The following CYP2C18 variants were observed in gnomAD, a reference collection of about 807,000 sequenced individuals.
The protein encoded by CYP2C18 is cytochrome P450 2C18.
Under a neutral mutation model 41.3 loss-of-function variants are expected in CYP2C18, and 38 were observed. The observed-to-expected ratio is 0.92, with a 90% CI of 0.71 to 1.21. The LOEUF (loss-of-function observed/expected upper bound fraction) is 1.21, where lower values mean the gene tolerates loss of function less well. Among genes scored for constraint, CYP2C18 ranks in the 50% most tolerant of loss-of-function variants. CYP2C18 has a pLI of 0.00. For missense variants in CYP2C18, 635 were observed against 591.4 expected, an observed-to-expected ratio of 1.07 and a Z score of -0.77; for synonymous variants, 236 against 210.0, an observed-to-expected ratio of 1.12 and a Z score of -1.07.
intron 3 of CYP2C18, among the ~76,000 whole-genome samples, chr10:94,688,813 T>C (rs536828030): frequency 3.9e-5 from 6 of 152,348 alleles, no homozygotes; most frequent in Admixed American, 2.0e-4. Context: ...GCAATGTTTT[T>C]CCCAAAGTGT....
chr10:94,691,783 G>T (rs1847005120), intron 3 of CYP2C18, among the ~76,000 whole-genome samples: 1 of 152,098 alleles, frequency 6.6e-6, no homozygotes, highest in Admixed American at 6.6e-5. Flanking sequence ...ATACTACAAG[G>T]CTACAGTAAC....
At position 94,688,155 on chromosome 10, in the gene CYP2C18, A is replaced by G. The variant is rs1309997029; in HGVS notation, c.362A>G (p.Lys121Arg). The G allele has an allele frequency of 6.2e-7, 1 of 1,613,718 alleles. No homozygotes were observed. The highest frequency in any genetic ancestry group is 1.1e-5 in the South Asian group (1 of 91,062). Residue 121 changes from lysine to arginine, a missense_variant, in exon 3 of 9, where the codon AAG (lysine) becomes AGG (arginine). By Grantham distance (26) the Lys-to-Arg change is conservative (BLOSUM62 2). Coordinates refer to ENST00000285979, the MANE Select transcript of CYP2C18 (RefSeq NM_000772.3). ...GILFSNGKRW[K>R]EIRRFCLMTL... ...CTTTTCAGCAATGGAAAGAGATGGAAGGAGATCCGGCGTTTCTGCCTCATG... is the reference window on the plus strand; with the variant it reads ...CTTTTCAGCAATGGAAAGAGATGGAGGGAGATCCGGCGTTTCTGCCTCATG...
intron 7 of CYP2C18, among the ~76,000 whole-genome samples, chr10:94,726,884 C>A (rs898176065): frequency 6.6e-6 from 1 of 151,954 alleles, no homozygotes; most frequent in East Asian, 1.9e-4. Context: ...GAAAATTTAA[C>A]TTTGAGAGGA....
chr10:94,729,843 A>G (rs978264839), intron 7 of CYP2C18, among the ~76,000 whole-genome samples: 1 of 152,156 alleles, frequency 6.6e-6, no homozygotes, highest in African/African-American at 2.4e-5. Context: ...AGGCTTATTT[A>G]TCAACAAAGA....
chr10:94,718,022 A>G lies in CYP2C18; in HGVS notation c.820-2374A>G, dbSNP rs182301304. On this transcript the variant is annotated intron_variant, in intron 5 of 8. Transcript: ENST00000285979. Reference sequence around the variant, plus strand: ...CATTGGAATTTTGATAGGGATTTCAATGAAACCATAAATTTCTTTAGATAG... The same window carrying G: ...CATTGGAATTTTGATAGGGATTTCAGTGAAACCATAAATTTCTTTAGATAG... Among the ~76,000 whole-genome samples the G allele has an allele frequency of 2.8e-3, 420 of 152,150 alleles. 2 individuals carry two copies. Among genetic ancestry groups the G allele is most frequent in the African/African-American group, 9.1e-3 (377 of 41,548 alleles).
Position 94,683,914 on chromosome 10 carries a change from G to A in CYP2C18, c.95G>A (p.Gly32Asp). ...QSSGRGRLPS[G>D]PTPLPIIGNI... ...TCTGGAAGAGGGAGGCTCCCGTCTG[G>A]CCCCACTCCTCTCCCGATTATTGGA... Residue 32 changes from glycine (G) to aspartate (D), a missense_variant, in exon 1 of 9, where the codon GGC becomes GAC. Coordinates refer to ENST00000285979, the MANE Select transcript of CYP2C18 (RefSeq NM_000772.3). 6.2e-7 allele frequency: 1 copy of A among 1,610,986 alleles called. No homozygotes were observed.
rs1440882159 is a variant in CYP2C18 at position 94,713,831 on chromosome 10, C to T, written c.820-6565C>T. ...AAAAGTGTTCCTATTTCTCCACATC[C>T]TCTCCAGCACCTGTTTCCTGACTTT... On this transcript the variant is annotated intron_variant, in intron 5 of 8. Coordinates refer to ENST00000285979, the MANE Select transcript of CYP2C18 (RefSeq NM_000772.3). Among the ~76,000 whole-genome samples, 3 of 152,340 alleles carry T rather than the reference C, an allele frequency of 2.0e-5. No individual in the cohort carries two copies. In the East Asian group the frequency reaches 5.8e-4, roughly 29 times the overall value.
At position 94,699,214 on chromosome 10, in the gene CYP2C18, G is replaced by A. The variant is rs143141718; in HGVS notation, c.642+4137G>A. ...TAGACCAATATCCCTGATGAACATC[G>A]ATGCAAAAATCCTCAACAAAATACT... On this transcript the variant is annotated intron_variant, in intron 4 of 8. Transcript: ENST00000285979. Among the ~76,000 whole-genome samples the A allele has an allele frequency of 8.5e-3, 1,295 of 152,210 alleles. 22 individuals carry two copies. The highest frequency in any genetic ancestry group is 0.062 in the East Asian group (321 of 5,180).
intron 1 of CYP2C18, among the ~76,000 whole-genome samples, chr10:94,686,172 T>A (rs1329252856): frequency 6.6e-6 from 1 of 152,194 alleles, no homozygotes; most frequent in Non-Finnish European, 1.5e-5. Flanking sequence ...ATTGTTCTCT[T>A]AATTTCTTTT....
At chr10:94,700,501 G>C (rs1274902503) in intron 4 of CYP2C18, among the ~76,000 whole-genome samples, 1 of 152,148 alleles carries the variant, frequency 6.6e-6, no homozygotes, top group Non-Finnish European at 1.5e-5. Flanking sequence ...TTAAATGTTA[G>C]ACCTAAAACC....
intron 5 of CYP2C18, among the ~76,000 whole-genome samples, chr10:94,715,504 A>T (rs1847522993): frequency 6.6e-6 from 1 of 152,194 alleles, no homozygotes; most frequent in Non-Finnish European, 1.5e-5. Context: ...GCATATATTG[A>T]ACCAGCCTTG....
chr10:94,720,388 T>A lies in CYP2C18; in HGVS notation c.820-8T>A, dbSNP rs899742187. The A allele has an allele frequency of 6.3e-7, 1 of 1,586,914 alleles. No homozygotes were observed. The highest frequency in any genetic ancestry group is 8.5e-7 in the Non-Finnish European group (1 of 1,169,844). On this transcript the variant is annotated splice_polypyrimidine_tract_variant and splice_region_variant and intron_variant, in intron 5 of 8. Transcript: ENST00000285979. The stretch of plus-strand genomic sequence containing the variant: ...ACCAAATAATTAAATTATGAAATAA[T>A]TTTTTAGGAAAAGCACAATCAACAG...
intron 3 of CYP2C18, among the ~76,000 whole-genome samples, 195 bp from the exon 4 acceptor site, chr10:94,694,722 C>G (rs531113765): frequency 2.6e-5 from 4 of 151,984 alleles, no homozygotes; most frequent in African/African-American, 9.7e-5. Context: ...ATTAAACAAG[C>G]TAGGGTGGAA....
intron 5 of CYP2C18, among the ~76,000 whole-genome samples, chr10:94,711,916 A>G (rs1374688754): frequency 2.0e-5 from 3 of 151,150 alleles, no homozygotes; most frequent in Non-Finnish European, 4.4e-5. Flanking sequence ...ACCATAGCTC[A>G]CTGCAGCCTT....
chr10:94,719,179 A>C (rs960465366), intron 5 of CYP2C18, among the ~76,000 whole-genome samples: 3 of 152,114 alleles, frequency 2.0e-5, no homozygotes, highest in Admixed American at 6.6e-5. Flanking sequence ...CTTGCTTATA[A>C]TGTATTTATG....
Position 94,733,367 on chromosome 10 carries a change from T to A in CYP2C18, c.1220T>A (p.Phe407Tyr), listed in dbSNP as rs150095869. 39 of 1,613,360 alleles carry A rather than the reference T, an allele frequency of 2.4e-5. No individual in the cohort carries two copies. In the African/African-American group the frequency reaches 5.1e-4, roughly 21 times the overall value. ...AAAGAATTCCCCAACCCAGAGATGT[T>A]TGACCCTGGCCACTTTCTGGATAAG... ...NDKEFPNPEM[F>Y]DPGHFLDKSG... The change falls in exon 8 of 9, where the codon TTT becomes TAT. Residue 407 changes from phenylalanine (F) to tyrosine (Y), a missense_variant. Physicochemically the swap from Phe to Tyr is conservative, Grantham distance 22 (BLOSUM62 3). Transcript: ENST00000285979.
chr10:94,718,230 A>T (rs1054851647), intron 5 of CYP2C18, among the ~76,000 whole-genome samples: 5 of 151,866 alleles, frequency 3.3e-5, no homozygotes, highest in Non-Finnish European at 7.4e-5. Context: ...TATTTTTAAA[A>T]TTTCTTTTTC....
chr10:94,734,747 A>G (rs1847891151), intron 8 of CYP2C18, among the ~76,000 whole-genome samples: 1 of 152,214 alleles, frequency 6.6e-6, no homozygotes, highest in Admixed American at 6.6e-5. Flanking sequence ...GTGAAGAGTC[A>G]GGTCAAGCCA....
Position 94,735,567 on chromosome 10 carries a change from C to A in CYP2C18, c.*123C>A. The stretch of plus-strand genomic sequence containing the variant: ...TCTGACTTGTCAATCCACATCTTCC[C>A]ATTCCCTCAAGATCCAATGAACATC... On this transcript the variant is annotated 3_prime_UTR_variant, in exon 9 of 9. Coordinates refer to ENST00000285979, the MANE Select transcript of CYP2C18 (RefSeq NM_000772.3). 2.1e-6 allele frequency: 2 copies of A among 974,674 alleles called. No individual in the cohort carries two copies. The highest frequency in any genetic ancestry group is 3.1e-6 in the Non-Finnish European group (2 of 640,606). 60.4% of individuals were successfully genotyped at this position (974,674 alleles called of 1,614,324 possible).
Sources: allele counts gnomAD v4.1 joint callset (sites outside exome capture counted in the v4.1 genomes callset), GRCh38; gene constraint gnomAD v4.1.1; transcripts MANE v1.5; gene names NCBI Gene and HGNC (gene_info 2026-07-23, HGNC 2026-07-21).